The following PYHIN1 variants were observed in gnomAD, a reference collection of about 807,000 sequenced individuals.
The protein encoded by PYHIN1 is pyrin and HIN domain-containing protein 1.
Under a neutral mutation model 43.7 loss-of-function variants are expected in PYHIN1, and 32 were observed. That is an observed-to-expected ratio of 0.73 (90% CI 0.55 to 0.98). PYHIN1 has a LOEUF of 0.98. PYHIN1 is among the 50% of genes least tolerant of loss of function. PYHIN1 has a pLI of 0.00. For synonymous variants in PYHIN1, 205 were observed against 203.1 expected, an observed-to-expected ratio of 1.01 and a Z score of -0.08; for missense variants, 588 against 589.5, an observed-to-expected ratio of 1.00 and a Z score of 0.03.
the PYHIN1 span, among the ~76,000 whole-genome samples, chr1:158,982,289 T>C: frequency 6.6e-6 from 1 of 152,090 alleles, no homozygotes; most frequent in Non-Finnish European, 1.5e-5. Context: ...TATAAGTTTT[T>C]TTTAACTTTA....
chr1:158,976,785 A>G lies in PYHIN1; in HGVS notation c.*90A>G. The G allele has an allele frequency of 8.1e-7, 1 of 1,239,036 alleles. No homozygotes were observed. The highest frequency in any genetic ancestry group is 1.2e-6 in the Non-Finnish European group (1 of 847,688). 76.8% of individuals were successfully genotyped at this position (1,239,036 alleles called of 1,614,324 possible). On this transcript the variant is annotated 3_prime_UTR_variant, in exon 9 of 9. Transcript: ENST00000368140. ...TTTGCCTGAAGTCCTCCACCTAAAA[A>G]CCTGATGCCATTGGTAATGATGTTT...
At chr1:158,981,536 A>C (rs903720683), downstream of PYHIN1, among the ~76,000 whole-genome samples, 1 of 152,210 alleles carries the variant, frequency 6.6e-6, no homozygotes, top group Non-Finnish European at 1.5e-5. Flanking sequence ...ATCTTTTAGT[A>C]GAACAATTTA....
At chr1:158,976,628 A>T (rs1325092448) in intron 8 of PYHIN1, 73 bp from the exon 9 acceptor site, 1 of 1,082,200 alleles carries the variant, frequency 9.2e-7, no homozygotes, top group African/African-American at 1.6e-5. Flanking sequence ...GAGGAGAGGC[A>T]GTGTGATTGA....
At chr1:158,946,486 CA>C (rs1649225691) in intron 7 of PYHIN1, among the ~76,000 whole-genome samples, 1 of 151,972 alleles carries the variant, frequency 6.6e-6, no homozygotes, top group Non-Finnish European at 1.5e-5. Context: ...ATGCAGACTA[CA>C]AAACAGCAGA....
intron 3 of PYHIN1, among the ~76,000 whole-genome samples, chr1:158,938,781 A>T (rs1476617160): frequency 1.3e-5 from 2 of 152,236 alleles, no homozygotes; most frequent in African/African-American, 4.8e-5. Context: ...ATAGAGAAGG[A>T]TGTTAACTTG....
chr1:158,936,925 C>T lies in PYHIN1; in HGVS notation c.15C>T (p.Tyr5=), dbSNP rs1368228534. The change falls in exon 2 of 9, where the codon TAC becomes TAT. Residue 5 remains tyrosine (Y), a synonymous_variant. Transcript: ENST00000368140. MANN[Y]KKIVLLKGLE... is the part of the protein sequence containing the mutation. ...TATCTTTAGAGATGGCAAATAACTA[C>T]AAGAAAATTGTTCTACTGAAAGGAT... The T allele has an allele frequency of 2.5e-6, 4 of 1,581,656 alleles. No individual in the cohort carries two copies. The highest frequency in any genetic ancestry group is 3.4e-6 in the Non-Finnish European group (4 of 1,166,612).
chr1:158,987,155 G>A, the PYHIN1 span, among the ~76,000 whole-genome samples: 1 of 152,056 alleles, frequency 6.6e-6, no homozygotes, highest in Non-Finnish European at 1.5e-5. Context: ...TTCCAAAGTG[G>A]CTACAACAAT....
chr1:158,949,371 TTTTTG>T (rs754537673), intron 7 of PYHIN1, among the ~76,000 whole-genome samples: 1 of 152,194 alleles, frequency 6.6e-6, no homozygotes, highest in African/African-American at 2.4e-5. Context: ...TTCCTGGCTT[TTTTTG>T]TTTTGTTTTG....
chr1:158,953,950 G>GA (rs1649756384), intron 7 of PYHIN1, among the ~76,000 whole-genome samples: 1 of 132,400 alleles, frequency 7.6e-6, no homozygotes, highest in Non-Finnish European at 1.6e-5. Flanking sequence ...ACTACGTGAA[G>GA]AATGCAGAAG....
intron 7 of PYHIN1, among the ~76,000 whole-genome samples, chr1:158,948,401 C>T (rs900530539): frequency 3.3e-5 from 5 of 152,136 alleles, no homozygotes; most frequent in African/African-American, 1.2e-4. Context: ...GGTGTTGTTT[C>T]ACCTCATTCC....
chr1:158,946,225 C>T (rs1649211661), intron 7 of PYHIN1, among the ~76,000 whole-genome samples: 1 of 152,196 alleles, frequency 6.6e-6, no homozygotes, highest in South Asian at 2.1e-4. Context: ...TTAGAGTCCT[C>T]TCATTCTTCT....
At chr1:158,954,631 C>T (rs1649802496) in intron 7 of PYHIN1, among the ~76,000 whole-genome samples, 1 of 147,982 alleles carries the variant, frequency 6.8e-6, no homozygotes, top group Admixed American at 6.7e-5. Flanking sequence ...CAACGGGTAC[C>T]AGCCGCTGCA....
chr1:158,954,842 G>C (rs1428504103), intron 7 of PYHIN1, among the ~76,000 whole-genome samples: 2 of 150,858 alleles, frequency 1.3e-5, no homozygotes, highest in Non-Finnish European at 3.0e-5. Context: ...TCAGTGTGCT[G>C]TATTCAGGAA....
At chr1:158,984,269 T>C in the PYHIN1 span, among the ~76,000 whole-genome samples, 6,254 of 152,108 alleles carry the variant, frequency 0.041, 352 homozygotes, top group East Asian at 0.26. Flanking sequence ...TCTGACTTTT[T>C]GATGTAGGCC....
intron 8 of PYHIN1, among the ~76,000 whole-genome samples, chr1:158,975,297 A>G (rs1631448): frequency 0.92 from 139,521 of 152,070 alleles, 65,226 homozygotes; most frequent in East Asian, 1. Context: ...TAAAGTCAAA[A>G]GCAGACCATT....
chr1:158,985,299 G>A, the PYHIN1 span, among the ~76,000 whole-genome samples: 1 of 152,076 alleles, frequency 6.6e-6, no homozygotes, highest in Non-Finnish European at 1.5e-5. Context: ...GCAGCCTTTT[G>A]TTTCCATGTT....
In PYHIN1 at chr1:158,963,770, G is replaced by A. The variant is rs532425313; in HGVS notation, c.1360-9877G>A. Among the ~76,000 whole-genome samples the A allele has an allele frequency of 2.2e-3, 333 of 152,268 alleles. 1 individual carries two copies. The highest frequency in any genetic ancestry group is 7.4e-3 in the African/African-American group (307 of 41,550). ...TCTCTAACAACATCCAGGAAAGAAG[G>A]TTTCTAACTACTCAAAAGAAACAGT... is the stretch of plus-strand genomic sequence containing the variant. On this transcript the variant is annotated intron_variant, in intron 7 of 8. Coordinates refer to ENST00000368140, the MANE Select transcript of PYHIN1 (RefSeq NM_152501.5).
At chr1:158,948,019 A>AGG (rs1649319920) in intron 7 of PYHIN1, among the ~76,000 whole-genome samples, 2 of 152,230 alleles carry the variant, frequency 1.3e-5, no homozygotes, top group Admixed American at 6.5e-5. Flanking sequence ...ACTTCATCTT[A>AGG]AAATTTTTCC....
downstream of PYHIN1, among the ~76,000 whole-genome samples, chr1:158,979,317 A>G (rs1193958765): frequency 1.3e-5 from 2 of 152,136 alleles, no homozygotes; most frequent in Non-Finnish European, 2.9e-5. Context: ...CCCTTCCTCC[A>G]GCCCCAGCTA....
Sources: allele counts gnomAD v4.1 joint callset (sites outside exome capture counted in the v4.1 genomes callset), GRCh38; gene constraint gnomAD v4.1.1; transcripts MANE v1.5; gene names NCBI Gene and HGNC (gene_info 2026-07-23, HGNC 2026-07-21).